Variants in GABRR3 observed in about 807,000 individuals in gnomAD.
GABRR3 encodes the protein gamma-aminobutyric acid receptor subunit rho-3.
GABRR3 carries 29 observed loss-of-function variants against 43.2 expected under a neutral mutation model. The observed-to-expected ratio is 0.67, with a 90% CI of 0.50 to 0.92. GABRR3 has a LOEUF of 0.92. GABRR3 is among the 40% of genes least tolerant of loss of function. The probability of loss-of-function intolerance (pLI) is 0.00; values close to 1 mark genes in which losing one functional copy is unlikely to be tolerated. For missense variants in GABRR3, 576 were observed against 572.3 expected, an observed-to-expected ratio of 1.01 and a Z score of -0.07; for synonymous variants, 206 against 195.9, an observed-to-expected ratio of 1.05 and a Z score of -0.43.
intron 2 of GABRR3, among the ~76,000 whole-genome samples, chr3:98,030,593 T>C (rs1707075341): frequency 6.6e-6 from 1 of 152,230 alleles, no homozygotes; most frequent in Non-Finnish European, 1.5e-5. Context: ...AAATCCATTA[T>C]TGCTATTGTT....
In GABRR3 at chr3:98,026,621, T is replaced by G. The variant is rs1694885; in HGVS notation, c.126-942A>C. On this transcript the variant is annotated intron_variant, in intron 2 of 9. Transcript: ENST00000621172. ...GTGGCTGTCATCATCATCATCATCA[T>G]CATCATCATCATCATCATCATCATC... Among the ~76,000 whole-genome samples, 37 of 42,970 alleles carry G rather than the reference T, an allele frequency of 8.6e-4. 3 individuals carry two copies. The highest frequency in any genetic ancestry group is 3.8e-3 in the Admixed American group (15 of 3,950). 28.2% of individuals were successfully genotyped at this position (42,970 alleles called of 152,430 possible). A position where few individuals can be genotyped will look rare whatever the true frequency, so the allele number is the denominator to read the frequency against.
At chr3:97,987,594 T>C (rs1225167237) in intron 9 of GABRR3, among the ~76,000 whole-genome samples, 1 of 152,168 alleles carries the variant, frequency 6.6e-6, no homozygotes, top group Non-Finnish European at 1.5e-5. Context: ...AGAATTCAAA[T>C]TGGAGGCTGC....
intron 3 of GABRR3, among the ~76,000 whole-genome samples, chr3:98,021,093 G>A (rs1331648204): frequency 6.6e-6 from 1 of 151,818 alleles, no homozygotes; most frequent in East Asian, 1.9e-4. Flanking sequence ...TCGAACTCCT[G>A]ACCTCAAATG....
At chr3:98,032,564 G>T (rs1057227742) in intron 2 of GABRR3, among the ~76,000 whole-genome samples, 95 of 152,226 alleles carry the variant, frequency 6.2e-4, no homozygotes, top group African/African-American at 2.0e-3. Flanking sequence ...CTAGGTAAAA[G>T]GGGAACATTT....
At position 98,008,941 on chromosome 3, in the gene GABRR3, G is replaced by C. The variant is rs761719103; in HGVS notation, c.613+15C>G. On this transcript the variant is annotated intron_variant, in intron 6 of 9. Coordinates refer to ENST00000621172, the Ensembl canonical transcript of GABRR3. ...CAAATGATGTGCACTCACTCCACCAGGAAGTGAGACTTACAGCTTTCCAGT... is the reference window on the plus strand; with the variant it reads ...CAAATGATGTGCACTCACTCCACCACGAAGTGAGACTTACAGCTTTCCAGT... The C allele has an allele frequency of 1.7e-5, 25 of 1,513,276 alleles. No homozygotes were observed. The highest frequency in any genetic ancestry group is 2.3e-5 in the Non-Finnish European group (25 of 1,097,172). 93.7% of individuals were successfully genotyped at this position (1,513,276 alleles called of 1,614,324 possible). A position where few individuals can be genotyped will look rare whatever the true frequency, so the allele number is the denominator to read the frequency against.
At chr3:97,991,856 A>AC (rs780334070) in intron 9 of GABRR3, among the ~76,000 whole-genome samples, 3 of 152,058 alleles carry the variant, frequency 2.0e-5, no homozygotes, top group Non-Finnish European at 4.4e-5. Flanking sequence ...GTAAAAAAAA[A>AC]CTTAAACCAA....
At chr3:98,001,751 A>G in exon 8 of GABRR3, 1 of 1,613,136 alleles carries the variant, frequency 6.2e-7, no homozygotes. Context: ...AGTTGATGAA[A>G]AGCCTATTGT....
chr3:98,011,058 C>T (rs1418022362), intron 5 of GABRR3, among the ~76,000 whole-genome samples: 1 of 152,166 alleles, frequency 6.6e-6, no homozygotes, highest in Admixed American at 6.5e-5. Context: ...TGAGATTGTG[C>T]CACTGCACCC....
chr3:98,007,265 T>G (rs951616565), intron 7 of GABRR3, among the ~76,000 whole-genome samples: 1 of 151,832 alleles, frequency 6.6e-6, no homozygotes, highest in Non-Finnish European at 1.5e-5. Flanking sequence ...ATGAGAATAT[T>G]GGGGGAAAGC....
At chr3:98,019,749 C>A (rs1247940459) in intron 3 of GABRR3, among the ~76,000 whole-genome samples, 4 of 152,036 alleles carry the variant, frequency 2.6e-5, no homozygotes, top group African/African-American at 7.2e-5. Context: ...CCATGCCCAG[C>A]TAATTTTGTT....
intron 7 of GABRR3, among the ~76,000 whole-genome samples, chr3:98,005,201 T>C (rs1383730630): frequency 2.3e-5 from 3 of 132,320 alleles, no homozygotes; most frequent in African/African-American, 8.4e-5. Flanking sequence ...TTAATCTTTC[T>C]AGGCTTTTAA....
chr3:98,011,698 C>G (rs1166672215), intron 5 of GABRR3, among the ~76,000 whole-genome samples: 1 of 151,980 alleles, frequency 6.6e-6, no homozygotes, highest in Non-Finnish European at 1.5e-5. Context: ...TTTCTTCACC[C>G]TACTTTAGAA....
At chr3:98,032,724 AAACAAC>A (rs1707105274) in intron 2 of GABRR3, among the ~76,000 whole-genome samples, 1 of 152,172 alleles carries the variant, frequency 6.6e-6, no homozygotes, top group South Asian at 2.1e-4. Flanking sequence ...TTCTGAATGA[AAACAAC>A]TAAAAGCAAA....
At chr3:98,010,368 C>T (rs1435850011) in intron 5 of GABRR3, among the ~76,000 whole-genome samples, 2 of 152,212 alleles carry the variant, frequency 1.3e-5, no homozygotes, top group East Asian at 3.9e-4. Context: ...TAAGGAAGCT[C>T]ACCCAAGCCT....
intron 2 of GABRR3, among the ~76,000 whole-genome samples, chr3:98,029,989 C>A (rs897633224): frequency 2.6e-5 from 4 of 151,712 alleles, no homozygotes; most frequent in African/African-American, 9.7e-5. Context: ...GTGGTGGGAG[C>A]CTGTAATTTC....
At chr3:98,002,833 A>G (rs1706669205) in intron 7 of GABRR3, among the ~76,000 whole-genome samples, 3 of 152,050 alleles carry the variant, frequency 2.0e-5, no homozygotes. Context: ...GAGTTGGAAA[A>G]CCCTTCTGCT....
At chr3:98,020,796 A>G (rs142623928) in intron 3 of GABRR3, among the ~76,000 whole-genome samples, 6 of 151,984 alleles carry the variant, frequency 3.9e-5, no homozygotes, top group African/African-American at 1.4e-4. Flanking sequence ...TGGTGGGGAT[A>G]AGCTCTTCCA....
chr3:98,027,076 A>G (rs538884925), intron 2 of GABRR3, among the ~76,000 whole-genome samples: 7 of 152,354 alleles, frequency 4.6e-5, no homozygotes, highest in Admixed American at 3.9e-4. Flanking sequence ...ACATACAACT[A>G]GTTTTTCCAA....
At chr3:97,996,217 A>G (rs1706551659) in intron 8 of GABRR3, among the ~76,000 whole-genome samples, 1 of 152,136 alleles carries the variant, frequency 6.6e-6, no homozygotes. Context: ...GGGGGTGTTT[A>G]TATTCACCTT....
Sources: gnomAD v4.1 joint callset for allele counts (sites outside exome capture counted in the v4.1 genomes callset) on GRCh38, gnomAD v4.1.1 for gene constraint, MANE v1.5 for transcripts, NCBI Gene and HGNC (gene_info 2026-07-23, HGNC 2026-07-21) for gene names.